SCTR: variants seen among roughly 807,000 people sequenced by gnomAD.
SCTR encodes pancreatic secretin receptor.
A neutral mutation model predicts 60.8 loss-of-function variants in SCTR; 56 were observed. The observed-to-expected ratio is 0.92, with a 90% confidence interval of 0.74 to 1.15. The LOEUF is 1.15. Among genes scored for constraint, SCTR ranks in the 50% most tolerant of loss-of-function variants. The pLI is 0.00. For synonymous variants in SCTR, 202 were observed against 217.0 expected, an observed-to-expected ratio of 0.93 and a Z score of 0.61; for missense variants, 562 against 550.4, an observed-to-expected ratio of 1.02 and a Z score of -0.21.
intron 1 of SCTR, among the ~76,000 whole-genome samples, chr2:119,512,326 TCCC>T: frequency 1.4e-4 from 9 of 66,356 alleles, no homozygotes; most frequent in Non-Finnish European, 2.5e-4. Context: ...CCCTTCCCCT[TCCC>T]CTTCCCCTTC....
rs2244214 is a variant in SCTR at position 119,524,439 on chromosome 2, C to T, written c.-213G>A. 191,867 of 371,194 alleles carry T rather than the reference C, an allele frequency of 0.52. 51,457 individuals carry two copies. Among genetic ancestry groups the T allele is most frequent in the East Asian group, 0.74 (18,087 of 24,476 alleles). 23.0% of individuals were successfully genotyped at this position (371,194 alleles called of 1,614,324 possible). On this transcript the variant is annotated 5_prime_UTR_variant, in exon 1 of 13. Transcript: ENST00000019103. ...GCGCTAAGCCGCCCGCCCCATTGATCAGGACGCGGCTTTGCCGGCGCGCCT... is the reference window on the plus strand; with the variant it reads ...GCGCTAAGCCGCCCGCCCCATTGATTAGGACGCGGCTTTGCCGGCGCGCCT...
At chr2:119,457,917 T>G (rs1265132155) in intron 7 of SCTR, among the ~76,000 whole-genome samples, 1 of 152,208 alleles carries the variant, frequency 6.6e-6, no homozygotes, top group Non-Finnish European at 1.5e-5. Context: ...GAGATTTAGC[T>G]TTTGTTTATT....
At chr2:119,450,149 G>GC (rs1558836611) in intron 9 of SCTR, among the ~76,000 whole-genome samples, 49 of 149,194 alleles carry the variant, frequency 3.3e-4, no homozygotes, top group Middle Eastern at 7.1e-3. Context: ...AGGAAGCAAG[G>GC]AAGCAAGCAA....
intron 1 of SCTR, among the ~76,000 whole-genome samples, chr2:119,496,861 G>C (rs554936433): frequency 6.6e-6 from 1 of 152,102 alleles, no homozygotes; most frequent in African/African-American, 2.4e-5. Context: ...TAGGGAGTCC[G>C]GACCCCCACC....
intron 3 of SCTR, among the ~76,000 whole-genome samples, chr2:119,478,263 T>C (rs1490776782): frequency 1.3e-5 from 2 of 152,224 alleles, no homozygotes; most frequent in African/African-American, 4.8e-5. Flanking sequence ...TATAAAAATG[T>C]CCAGTGCATG....
chr2:119,485,245 T>A (rs540652746), intron 2 of SCTR, among the ~76,000 whole-genome samples: 2 of 152,344 alleles, frequency 1.3e-5, no homozygotes, highest in African/African-American at 4.8e-5. Flanking sequence ...GAAAGTTCTA[T>A]TTTTGCCCAA....
intron 2 of SCTR, among the ~76,000 whole-genome samples, chr2:119,481,463 A>G (rs1437496792): frequency 6.6e-6 from 1 of 152,192 alleles, no homozygotes; most frequent in Non-Finnish European, 1.5e-5. Flanking sequence ...TCTGCATTTT[A>G]AGAATTCCCC....
intron 2 of SCTR, among the ~76,000 whole-genome samples, chr2:119,482,416 C>T (rs1346995646): frequency 6.6e-6 from 1 of 152,168 alleles, no homozygotes; most frequent in Non-Finnish European, 1.5e-5. Flanking sequence ...GGGCAGGCTG[C>T]AACCATGAGC....
At chr2:119,442,903 C>T (rs77838318) in intron 11 of SCTR, among the ~76,000 whole-genome samples, 4,389 of 152,124 alleles carry the variant, frequency 0.029, 203 homozygotes, top group African/African-American at 0.096. Context: ...AGACTTGGAT[C>T]GGAGCACAGC....
chr2:119,448,342 C>G (rs77850096), intron 10 of SCTR, among the ~76,000 whole-genome samples: 21,081 of 152,178 alleles, frequency 0.14, 1,758 homozygotes, highest in East Asian at 0.31. Flanking sequence ...CTGATGAAAC[C>G]GAAGGTCATC....
At position 119,494,450 on chromosome 2, in the gene SCTR, C is replaced by A; in HGVS notation, c.171G>T (p.Leu57=). Reference sequence around the variant, plus strand: ...TACCTGGCACTGGCTGCTCCGTGCCCAGGTCTCCTGTCTGCTCTCTGGAGA... The same window carrying A: ...TACCTGGCACTGGCTGCTCCGTGCCAAGGTCTCCTGTCTGCTCTCTGGAGA... The part of the protein sequence containing the change: ...QELSREQTGD[L]GTEQPVPGCE... Residue 57 remains leucine (L), a synonymous_variant, in exon 2 of 13, where the codon CTG becomes CTT. Transcript: ENST00000019103. The A allele has an allele frequency of 6.2e-7, 1 of 1,613,976 alleles. No homozygotes were observed.
chr2:119,478,686 C>A (rs1573867217), intron 3 of SCTR, 125 bp downstream of exon 3: 2 of 775,002 alleles, frequency 2.6e-6, no homozygotes, highest in East Asian at 2.7e-5. Context: ...GCAGTGATCT[C>A]CCCCATCATT....
At chr2:119,504,541 A>G (rs1052759245) in intron 1 of SCTR, among the ~76,000 whole-genome samples, 2 of 152,168 alleles carry the variant, frequency 1.3e-5, no homozygotes, top group Admixed American at 1.3e-4. Flanking sequence ...CAGTGAGCTA[A>G]GATTGCGCCA....
At chr2:119,514,814 G>C (rs1458791632) in intron 1 of SCTR, among the ~76,000 whole-genome samples, 4 of 152,106 alleles carry the variant, frequency 2.6e-5, no homozygotes, top group Non-Finnish European at 4.4e-5. Flanking sequence ...GGAGGCAGAG[G>C]TTGCAGTGAG....
chr2:119,443,802 C>T (rs1191978251), intron 11 of SCTR, among the ~76,000 whole-genome samples: 2 of 152,192 alleles, frequency 1.3e-5, no homozygotes, highest in East Asian at 3.8e-4. Context: ...CTGCCTCGGC[C>T]TCCCGAAGTG....
At chr2:119,492,225 A>G (rs1175762381) in intron 2 of SCTR, among the ~76,000 whole-genome samples, 1 of 152,256 alleles carries the variant, frequency 6.6e-6, no homozygotes, top group Non-Finnish European at 1.5e-5. Context: ...GAATATGGCA[A>G]CATCTTGGAA....
intron 9 of SCTR, among the ~76,000 whole-genome samples, chr2:119,451,487 A>G (rs924970353): frequency 1.3e-5 from 2 of 152,192 alleles, no homozygotes; most frequent in Non-Finnish European, 2.9e-5. Context: ...GCTCCTGTCC[A>G]AGATGGTCAC....
At chr2:119,476,544 G>A (rs1372016735) in intron 3 of SCTR, 1 of 152,148 alleles carries the variant, frequency 6.6e-6, no homozygotes, top group East Asian at 1.9e-4. Context: ...GGAGCCTCAA[G>A]AGGGAGACAC....
chr2:119,461,748 T>G, intron 7 of SCTR, 99 bp downstream of exon 7: 2 of 862,438 alleles, frequency 2.3e-6, no homozygotes, highest in South Asian at 4.8e-5. Flanking sequence ...CACAAGTTAG[T>G]TAAGTGTGGA....
Sources: allele counts gnomAD v4.1 joint callset (sites outside exome capture counted in the v4.1 genomes callset), GRCh38; gene constraint gnomAD v4.1.1; transcripts MANE v1.5; gene names NCBI Gene and HGNC (gene_info 2026-07-23, HGNC 2026-07-21).